CFAP61: variants seen among roughly 807,000 people sequenced by gnomAD.
The protein encoded by CFAP61 is cilia- and flagella-associated protein 61.
Under a neutral mutation model 135.6 loss-of-function variants are expected in CFAP61, and 107 were observed. That is an observed-to-expected ratio of 0.79 (90% CI 0.67 to 0.93). The LOEUF (loss-of-function observed/expected upper bound fraction) is 0.93, where lower values mean the gene tolerates loss of function less well. Among genes scored for constraint, CFAP61 ranks in the 40% least tolerant of loss-of-function variants. CFAP61 has a pLI of 0.00. For synonymous variants in CFAP61, 575 were observed against 578.5 expected, an observed-to-expected ratio of 0.99 and a Z score of 0.09; for missense variants, 1,507 against 1,556.2, an observed-to-expected ratio of 0.97 and a Z score of 0.53.
chr20:20,129,904 A>C (rs921341086), intron 8 of CFAP61, among the ~76,000 whole-genome samples: 3 of 151,668 alleles, frequency 2.0e-5, no homozygotes, highest in Non-Finnish European at 4.4e-5. Flanking sequence ...TGTCAGTTCC[A>C]AGATAGCCAC....
intron 25 of CFAP61, among the ~76,000 whole-genome samples, chr20:20,307,202 C>T (rs544273758): frequency 6.6e-6 from 1 of 152,278 alleles, no homozygotes; most frequent in East Asian, 1.9e-4. Flanking sequence ...CTTCCCTTTC[C>T]TTAACATGGA....
At chr20:20,069,498 C>G (rs1233425956) in intron 2 of CFAP61, among the ~76,000 whole-genome samples, 1 of 152,142 alleles carries the variant, frequency 6.6e-6, no homozygotes, top group Non-Finnish European at 1.5e-5. Flanking sequence ...CAGGCTGTCT[C>G]AAACTCCTGG....
chr20:20,288,862 C>G lies in CFAP61; in HGVS notation c.3050C>G (p.Thr1017Ser). Residue 1017 changes from threonine to serine, a missense_variant, in exon 23 of 27, where the codon ACC (threonine) becomes AGC (serine). Physicochemically the swap from Thr to Ser is moderately conservative, Grantham distance 58. Coordinates refer to ENST00000245957, the MANE Select transcript of CFAP61 (RefSeq NM_015585.4). ...AAAMLHLFDP[T>S]LEPVTEPPAN... ...GCTATGCTACATCTCTTTGATCCAA[C>G]CCTTGAGCCTGTGACCGAGCCACCA... 6.2e-7 allele frequency: 1 copy of G among 1,614,074 alleles called. No homozygotes were observed. The highest frequency in any genetic ancestry group is 8.5e-7 in the Non-Finnish European group (1 of 1,179,946).
intron 25 of CFAP61, among the ~76,000 whole-genome samples, chr20:20,300,825 C>T (rs973963256): frequency 3.3e-5 from 5 of 151,842 alleles, no homozygotes; most frequent in African/African-American, 1.2e-4. Context: ...AGGCTGGTCT[C>T]GAATTACCAA....
chr20:20,146,092 T>C (rs1201554966), intron 9 of CFAP61, among the ~76,000 whole-genome samples: 1 of 152,194 alleles, frequency 6.6e-6, no homozygotes, highest in Admixed American at 6.5e-5. Flanking sequence ...TCTTGTGGGC[T>C]GCAGCCCTGG....
rs148676883 is a variant in CFAP61 at position 20,163,762 on chromosome 20, C to T, written c.1027-288C>T. 9.5e-3 allele frequency among the ~76,000 whole-genome samples: 1,442 copies of T among 152,018 alleles called. 17 individuals are homozygous for T. Among genetic ancestry groups the T allele is most frequent in the Middle Eastern group, 0.054 (16 of 294 alleles). On this transcript the variant is annotated intron_variant, in intron 10 of 26. Coordinates refer to ENST00000245957, the MANE Select transcript of CFAP61 (RefSeq NM_015585.4). ...CATTAGGTGTTTGTCTTAATGCTCTCCCTCCCTTTCCCCCCGACCCCCCTG... is the reference window on the plus strand; with the variant it reads ...CATTAGGTGTTTGTCTTAATGCTCTTCCTCCCTTTCCCCCCGACCCCCCTG...
At chr20:20,338,129 A>G (rs2058310321) in intron 25 of CFAP61, among the ~76,000 whole-genome samples, 1 of 152,146 alleles carries the variant, frequency 6.6e-6, no homozygotes, top group Admixed American at 6.5e-5. Flanking sequence ...TGCTTCATAG[A>G]GAGGAAAGCC....
intron 13 of CFAP61, among the ~76,000 whole-genome samples, chr20:20,173,166 C>G (rs931115990): frequency 1.2e-4 from 18 of 152,088 alleles, no homozygotes; most frequent in African/African-American, 4.3e-4. Context: ...AGTGTGTCTA[C>G]CCATTTACCT....
rs1392026819 is a variant in CFAP61 at position 20,263,002 on chromosome 20, G to C, written c.2375G>C (p.Arg792Thr). 1 of 1,613,720 alleles carries C rather than the reference G, an allele frequency of 6.2e-7. No individual in the cohort carries two copies. Among genetic ancestry groups the C allele is most frequent in the Admixed American group, 1.7e-5 (1 of 59,982 alleles). ...GATATTAGTCAACACCTGACAAACA[G>C]GGAGGTTCCCAACAGCAGTCAGCGG... ...EADISQHLTNREVPNSSQRRY... is the reference protein window; with the variant it reads ...EADISQHLTNTEVPNSSQRRY... Residue 792 changes from arginine to threonine, a missense_variant, in exon 21 of 27, where the codon AGG (arginine) becomes ACG (threonine). Transcript: ENST00000245957.
intron 8 of CFAP61, among the ~76,000 whole-genome samples, chr20:20,104,682 G>T (rs1363958490): frequency 6.6e-6 from 1 of 152,160 alleles, no homozygotes; most frequent in African/African-American, 2.4e-5. Flanking sequence ...GACTTAGTCT[G>T]CCAGGGCTGC....
chr20:20,057,245 T>A (rs1433464056), intron 2 of CFAP61, among the ~76,000 whole-genome samples: 3 of 152,038 alleles, frequency 2.0e-5, no homozygotes, highest in African/African-American at 4.8e-5. Context: ...GTGAAAAAAT[T>A]GTAGCAAGAA....
chr20:20,128,514 T>C (rs2050250097), intron 8 of CFAP61, among the ~76,000 whole-genome samples: 1 of 151,686 alleles, frequency 6.6e-6, no homozygotes, highest in Non-Finnish European at 1.5e-5. Flanking sequence ...CTTTCACAGT[T>C]GGGGCACTCA....
intron 9 of CFAP61, among the ~76,000 whole-genome samples, chr20:20,146,332 A>G (rs959429369): frequency 6.6e-6 from 1 of 152,246 alleles, no homozygotes; most frequent in Admixed American, 6.5e-5. Context: ...CTCTCAATAA[A>G]CTAGAATGAA....
Position 20,323,151 on chromosome 20 carries a change from G to A in CFAP61, c.3423-18680G>A, listed in dbSNP as rs144222803. On this transcript the variant is annotated intron_variant, in intron 25 of 26. Transcript: ENST00000245957. ...TCTTCCCGCCAAGGCTCAGCTAGGC[G>A]AGGATTCTAGTTTGAGCCAGTATAC... is the stretch of plus-strand genomic sequence containing the variant. 53 of 985,450 alleles carry A rather than the reference G, an allele frequency of 5.4e-5. No homozygotes were observed. In the African/African-American group the frequency reaches 6.1e-4, roughly 11 times the overall value. 61.0% of individuals were successfully genotyped at this position (985,450 alleles called of 1,614,324 possible). A position where few individuals can be genotyped will look rare whatever the true frequency, so the allele number is the denominator to read the frequency against.
chr20:20,303,078 A>G (rs1296805296), intron 25 of CFAP61, among the ~76,000 whole-genome samples: 2 of 152,350 alleles, frequency 1.3e-5, no homozygotes, highest in South Asian at 2.1e-4. Flanking sequence ...CTTCACTTAT[A>G]TATAGGATTT....
intron 14 of CFAP61, among the ~76,000 whole-genome samples, chr20:20,190,988 G>A (rs2055880011): frequency 6.6e-6 from 1 of 152,024 alleles, no homozygotes; most frequent in South Asian, 2.1e-4. Flanking sequence ...GCATGATGGG[G>A]CACGCCTGTA....
intron 3 of CFAP61, among the ~76,000 whole-genome samples, chr20:20,072,275 C>T (rs544163150): frequency 1.3e-4 from 19 of 151,678 alleles, no homozygotes; most frequent in African/African-American, 3.4e-4. Context: ...CCACCACGCC[C>T]GGCTAATTTT....
intron 8 of CFAP61, among the ~76,000 whole-genome samples, chr20:20,125,245 C>A (rs1051094055): frequency 6.6e-5 from 10 of 150,718 alleles, no homozygotes; most frequent in Non-Finnish European, 1.3e-4. Flanking sequence ...TGGTTATTTC[C>A]TTTCTTCTGC....
intron 17 of CFAP61, among the ~76,000 whole-genome samples, chr20:20,216,618 T>C (rs963962503): frequency 6.6e-6 from 1 of 152,248 alleles, no homozygotes; most frequent in African/African-American, 2.4e-5. Flanking sequence ...TTGTTATTGC[T>C]GTTTGCTTGG....
Sources: allele counts gnomAD v4.1 joint callset (sites outside exome capture counted in the v4.1 genomes callset), GRCh38; gene constraint gnomAD v4.1.1; transcripts MANE v1.5; gene names NCBI Gene and HGNC (gene_info 2026-07-23, HGNC 2026-07-21).